Variants in ZNF493 observed in about 807,000 individuals in gnomAD.
The protein encoded by ZNF493 is zinc finger protein 493.
In ZNF493, 11 loss-of-function variants were observed where a neutral mutation model predicts 12.2. The observed-to-expected ratio is 0.90, with a 90% CI of 0.57 to 1.50. The LOEUF is 1.50. Among genes scored for constraint, ZNF493 ranks in the 40% most tolerant of loss-of-function variants. The probability of loss-of-function intolerance (pLI) is 0.00; values close to 1 mark genes in which losing one functional copy is unlikely to be tolerated. For synonymous variants in ZNF493, 286 were observed against 302.6 expected (o/e 0.95, Z 0.57); for missense variants, 950 against 906.6 (o/e 1.05, Z -0.61).
At chr19:21,410,493 T>A (rs1395200398) in intron 3 of ZNF493, among the ~76,000 whole-genome samples, 1 of 152,148 alleles carries the variant, frequency 6.6e-6, no homozygotes, top group African/African-American at 2.4e-5. Flanking sequence ...TCTTTTTCTA[T>A]ATGTGTATCT....
At position 21,425,116 on chromosome 19, in the gene ZNF493, G is replaced by A. The variant is rs945239885; in HGVS notation, c.*132G>A. 2 of 1,116,468 alleles carry A rather than the reference G, an allele frequency of 1.8e-6. No homozygotes were observed. The highest frequency in any genetic ancestry group is 2.7e-6 in the Non-Finnish European group (2 of 740,458). The allele number at this position is 1,116,468 out of a possible 1,614,324, so 69.2% of individuals were successfully genotyped here. On this transcript the variant is annotated 3_prime_UTR_variant, in exon 4 of 4. Transcript: ENST00000392288. ...GAGAAACCCTACAAATGTGAAGAAT[G>A]TGGCAAAGATTTCTATTGATTCTCA... is the stretch of plus-strand genomic sequence containing the variant.
At position 21,415,287 on chromosome 19, in the gene ZNF493, T is replaced by C. The variant is rs576665567; in HGVS notation, c.254-7626T>C. The stretch of plus-strand genomic sequence containing the variant: ...ACTCTCCCTCAGCCTCCTTTGTTAA[T>C]TGCTGAGGGCTAGTGAGACTAGGAT... On this transcript the variant is annotated intron_variant, in intron 3 of 3. Transcript: ENST00000392288. Among the ~76,000 whole-genome samples the C allele has an allele frequency of 3.3e-5, 5 of 152,308 alleles. No homozygotes were observed. In the East Asian group the frequency reaches 9.7e-4, roughly 29 times the overall value.
At position 21,424,464 on chromosome 19, in the gene ZNF493, A is replaced by G. The variant is rs771281733; in HGVS notation, c.1805A>G (p.Lys602Arg). ...ATTCATACTGATAAGAAACCCTACA[A>G]ATGTGAAGAATGTGGCAAAGCTTTT... ...KIIHTDKKPYKCEECGKAFNR... is the reference protein window; with the variant it reads ...KIIHTDKKPYRCEECGKAFNR... Residue 602 changes from lysine (K) to arginine (R), a missense_variant, in exon 4 of 4, where the codon AAA becomes AGA. By Grantham distance (26) the Lys-to-Arg change is conservative. Coordinates refer to ENST00000392288, the MANE Select transcript of ZNF493 (RefSeq NM_001076678.3). The G allele has an allele frequency of 1.2e-5, 20 of 1,613,198 alleles. No homozygotes were observed. Among genetic ancestry groups the G allele is most frequent in the Non-Finnish European group, 1.7e-5 (20 of 1,179,638 alleles).
rs760097883 is a variant in ZNF493, at chr19:21,423,535, C to G, written c.876C>G (p.Pro292=). 1 of 1,613,644 alleles carries G rather than the reference C, an allele frequency of 6.2e-7. No homozygotes were observed. The highest frequency in any genetic ancestry group is 8.5e-7 in the Non-Finnish European group (1 of 1,179,822). The change falls in exon 4 of 4, where the codon CCC becomes CCG. Residue 292 remains proline, a synonymous_variant. Transcript: ENST00000392288. Reference sequence around the variant, plus strand: ...AGCTAATTCATACTAGAGAGAAACCCTATAAATGTGAACAATATGGCAAAA... The same window carrying G: ...AGCTAATTCATACTAGAGAGAAACCGTATAAATGTGAACAATATGGCAAAA... The part of the protein sequence containing the change: ...RHKLIHTREK[P]YKCEQYGKTF...
chr19:21,399,843 A>G (rs1334834088), intron 1 of ZNF493, among the ~76,000 whole-genome samples: 1 of 152,172 alleles, frequency 6.6e-6, no homozygotes, highest in Admixed American at 6.5e-5. Flanking sequence ...TCCATGAGAA[A>G]ATGCGGTAGG....
intron 3 of ZNF493, among the ~76,000 whole-genome samples, chr19:21,419,069 A>G (rs1358450297): frequency 1.3e-5 from 2 of 152,202 alleles, no homozygotes; most frequent in African/African-American, 4.8e-5. Context: ...CAAATTATTC[A>G]AATTATTGAA....
Position 21,405,238 on chromosome 19 carries a change from GA to G in ZNF493, c.143del (p.Asn48ThrfsTer27). 6.2e-7 allele frequency: 1 copy of G among 1,613,574 alleles called. No homozygotes were observed. The highest frequency in any genetic ancestry group is 1.7e-5 in the Admixed American group (1 of 59,874). ...LYRKVMLENY[R>X]NLVFLGIAVS... ...AGGAAAGTGATGTTAGAGAACTACAGAAACCTGGTCTTCTTGGGTGAGAATA... is the reference window on the plus strand; with the variant it reads ...AGGAAAGTGATGTTAGAGAACTACAGAACCTGGTCTTCTTGGGTGAGAATA... On this transcript the variant is annotated frameshift_variant, in exon 2 of 4. Coordinates refer to ENST00000392288, the MANE Select transcript of ZNF493 (RefSeq NM_001076678.3). LOFTEE classifies it high-confidence loss of function.
chr19:21,398,535 A>G, intron 1 of ZNF493: 1 of 336,884 alleles, frequency 3.0e-6, no homozygotes, highest in South Asian at 2.3e-5. Flanking sequence ...TCTGGGGATA[A>G]ACCAAGATAA....
At chr19:21,404,993 G>A in intron 1 of ZNF493, 136 bp from the exon 2 acceptor site, 1 of 1,424,660 alleles carries the variant, frequency 7.0e-7, no homozygotes, top group South Asian at 1.5e-5. Flanking sequence ...GTTGAAAATT[G>A]TTGGATAATT....
chr19:21,423,772 T>A lies in ZNF493; in HGVS notation c.1113T>A (p.His371Gln), dbSNP rs371209870. 5.0e-6 allele frequency: 8 copies of A among 1,613,150 alleles called. No homozygotes were observed. In the African/African-American group the frequency reaches 9.3e-5, roughly 19 times the overall value. Reference protein sequence around the residue: ...SSHLTTHKRIHTGEKPYKCEE... With the variant: ...SSHLTTHKRIQTGEKPYKCEE... The stretch of plus-strand genomic sequence containing the variant: ...ACCTTACTACACATAAAAGAATTCA[T>A]ACTGGAGAGAAACCCTACAAATGTG... Residue 371 changes from histidine (H) to glutamine (Q), a missense_variant, in exon 4 of 4, where the codon CAT becomes CAA. Transcript: ENST00000392288.
chr19:21,424,842 T>A lies in ZNF493; in HGVS notation c.2183T>A (p.Leu728His). The A allele has an allele frequency of 6.2e-7, 1 of 1,613,464 alleles. No individual in the cohort carries two copies. Among genetic ancestry groups the A allele is most frequent in the Non-Finnish European group, 8.5e-7 (1 of 1,179,680 alleles). Residue 728 changes from leucine to histidine, a missense_variant, in exon 4 of 4, where the codon CTT (leucine) becomes CAT (histidine). By Grantham distance (99) the Leu-to-His change is moderately conservative. Coordinates refer to ENST00000392288, the MANE Select transcript of ZNF493 (RefSeq NM_001076678.3). Reference sequence around the variant, plus strand: ...AAAGCTTTTAACCATTCCTCAAACCTTATTAAACATAAGCTAATTCATACT... The same window carrying A: ...AAAGCTTTTAACCATTCCTCAAACCATATTAAACATAAGCTAATTCATACT... ...CGKAFNHSSN[L>H]IKHKLIHTGD... is the part of the protein sequence containing the mutation.
At chr19:21,417,590 A>G (rs1053780863) in intron 3 of ZNF493, among the ~76,000 whole-genome samples, 1 of 152,146 alleles carries the variant, frequency 6.6e-6, no homozygotes, top group Non-Finnish European at 1.5e-5. Flanking sequence ...AAGGAAGGGT[A>G]TTATTCTCCA....
At position 21,427,437 on chromosome 19, in the gene ZNF493, C is replaced by G. The variant is rs1281546053; in HGVS notation, c.*2453C>G. On this transcript the variant is annotated 3_prime_UTR_variant, in exon 4 of 4. Transcript: ENST00000392288. ...TATATCTCCCAATGCTATCCGTCCC[C>G]CCTCCCCCCAATTGTACTTTTATAT... is the stretch of plus-strand genomic sequence containing the variant. 1.3e-5 allele frequency: 2 copies of G among 152,290 alleles called. No individual in the cohort carries two copies. The highest frequency in any genetic ancestry group is 1.3e-4 in the Admixed American group (2 of 15,250). The allele number at this position is 152,290 out of a possible 1,614,324, so 9.4% of individuals were successfully genotyped here. A position where few individuals can be genotyped will look rare whatever the true frequency, so the allele number is the denominator to read the frequency against.
chr19:21,416,200 G>A (rs1299606988), intron 3 of ZNF493, among the ~76,000 whole-genome samples: 14 of 152,152 alleles, frequency 9.2e-5, no homozygotes, highest in Admixed American at 8.5e-4. Context: ...ATCTTTGGCG[G>A]GAACTCTGTT....
rs1475066339 is a variant in ZNF493, at chr19:21,423,229, A to G, written c.570A>G (p.Ser190=). The change falls in exon 4 of 4, where the codon TCA becomes TCG. Residue 190 remains serine, a synonymous_variant. Transcript: ENST00000392288. The part of the protein sequence containing the change: ...KPFKCKKCGK[S]FCMLLHLCQH... ...TCAAATGTAAAAAATGTGGCAAATCATTTTGCATGCTTTTACACCTATGTC... is the reference window on the plus strand; with the variant it reads ...TCAAATGTAAAAAATGTGGCAAATCGTTTTGCATGCTTTTACACCTATGTC... The G allele has an allele frequency of 3.1e-6, 5 of 1,613,856 alleles. No homozygotes were observed. In the South Asian group the frequency reaches 4.4e-5, roughly 14 times the overall value.
At chr19:21,420,877 G>A (rs1157497829) in intron 3 of ZNF493, among the ~76,000 whole-genome samples, 1 of 148,448 alleles carries the variant, frequency 6.7e-6, no homozygotes, top group Non-Finnish European at 1.5e-5. Context: ...TCAGCCCCCC[G>A]AGTGGCTGGG....
At chr19:21,406,519 TG>T (rs1315181482) in intron 3 of ZNF493, among the ~76,000 whole-genome samples, 3 of 152,308 alleles carry the variant, frequency 2.0e-5, no homozygotes, top group South Asian at 2.1e-4. Flanking sequence ...TCCATTGTTT[TG>T]GGGGACACAC....
chr19:21,422,122 G>A (rs1343767712), intron 3 of ZNF493, among the ~76,000 whole-genome samples: 1 of 152,150 alleles, frequency 6.6e-6, no homozygotes, highest in Admixed American at 6.6e-5. Context: ...GGGATTATGT[G>A]CATGAGCCAC....
At chr19:21,408,230 A>C (rs2030201896) in intron 3 of ZNF493, 1 of 780,024 alleles carries the variant, frequency 1.3e-6, no homozygotes, top group Admixed American at 7.6e-5. Context: ...AGTTCAAGCG[A>C]TTCTCCTACC....
Sources: gnomAD v4.1 joint callset for allele counts (sites outside exome capture counted in the v4.1 genomes callset) on GRCh38, gnomAD v4.1.1 for gene constraint, MANE v1.5 for transcripts, NCBI Gene and HGNC (gene_info 2026-07-23, HGNC 2026-07-21) for gene names.